Variants in DCPS observed in about 807,000 individuals in gnomAD.
The protein encoded by DCPS is m7GpppX diphosphatase.
In DCPS, 27 loss-of-function variants were observed where a neutral mutation model predicts 34.7. The ratio of observed to expected loss-of-function variants is 0.78; its 90% CI spans 0.57 to 1.07. The LOEUF (loss-of-function observed/expected upper bound fraction) is 1.07. Among genes scored for constraint, DCPS ranks in the 50% least tolerant of loss-of-function variants. The pLI, the probability that DCPS is intolerant of heterozygous loss-of-function variation, is 0.00. For synonymous variants in DCPS, 185 were observed against 185.7 expected, an observed-to-expected ratio of 1.00 and a Z score of 0.03; for missense variants, 464 against 436.9, an observed-to-expected ratio of 1.06 and a Z score of -0.55.
At position 126,345,296 on chromosome 11, in the gene DCPS, G is replaced by A. The variant is rs376908736; in HGVS notation, c.748-51G>A. 378 of 1,602,594 alleles carry A rather than the reference G, an allele frequency of 2.4e-4. No individual in the cohort carries two copies. The highest frequency in any genetic ancestry group is 1.1e-3 in the African/African-American group (80 of 74,832). ...AGGGTCTAGGTGGGGACATGGCGCC[G>A]GGCCTCAGGCAGCACGGTGACTCCT... is the stretch of plus-strand genomic sequence containing the variant. On this transcript the variant is annotated intron_variant, in intron 5 of 5. Transcript: ENST00000263579. The surrounding 1 kb of genome is among the most constrained non-coding windows in gnomAD (Gnocchi z 7.4).
rs1951955493 is a variant in DCPS at position 126,348,249 on chromosome 11, G to A, written c.*2636G>A. Among the ~76,000 whole-genome samples the A allele has an allele frequency of 6.6e-6, 1 of 152,156 alleles. No homozygotes were observed. Among genetic ancestry groups the A allele is most frequent in the African/African-American group, 2.4e-5 (1 of 41,420 alleles). On this transcript the variant is annotated 3_prime_UTR_variant, in exon 6 of 6. Coordinates refer to ENST00000263579, the MANE Select transcript of DCPS (RefSeq NM_014026.6). The surrounding 1 kb of genome is among the most constrained non-coding windows in gnomAD (Gnocchi z 5.3). Reference sequence around the variant, plus strand: ...GTTTCTCGACTCCCCCGAGGGGCTGGCCAGTTCTGTCTTCCTTCTGCCCAC... The same window carrying A: ...GTTTCTCGACTCCCCCGAGGGGCTGACCAGTTCTGTCTTCCTTCTGCCCAC...
chr11:126,325,563 G>T lies in DCPS; in HGVS notation c.377-5842G>T, dbSNP rs936142983. Among the ~76,000 whole-genome samples the T allele has an allele frequency of 6.6e-6, 1 of 152,218 alleles. No homozygotes were observed. Among genetic ancestry groups the T allele is most frequent in the African/African-American group, 2.4e-5 (1 of 41,454 alleles). Reference sequence around the variant, plus strand: ...CTGGAAGTATATAACCAAAGAGGTGGCCAGAAGTGTTGAAAGTGGTGCCTT... The same window carrying T: ...CTGGAAGTATATAACCAAAGAGGTGTCCAGAAGTGTTGAAAGTGGTGCCTT... On this transcript the variant is annotated intron_variant, in intron 2 of 5. Transcript: ENST00000263579. This position sits in a 1 kb window ranked among gnomAD's most constrained non-coding sequence, Gnocchi z 4.3.
In DCPS at chr11:126,345,904, C is replaced by T. The variant is rs11826686; in HGVS notation, c.*291C>T. On this transcript the variant is annotated 3_prime_UTR_variant, in exon 6 of 6. Coordinates refer to ENST00000263579, the MANE Select transcript of DCPS (RefSeq NM_014026.6). The surrounding 1 kb of genome is among the most constrained non-coding windows in gnomAD (Gnocchi z 7.4). Reference sequence around the variant, plus strand: ...GCCCTGGAAGGGTGCCGAGGGCCTTCTCCAAGCCCCAGGGCTCACCGTCCG... The same window carrying T: ...GCCCTGGAAGGGTGCCGAGGGCCTTTTCCAAGCCCCAGGGCTCACCGTCCG... Among the ~76,000 whole-genome samples the T allele has an allele frequency of 0.049, 7,492 of 152,072 alleles. 609 individuals carry two copies. Among genetic ancestry groups the T allele is most frequent in the African/African-American group, 0.17 (6,920 of 41,416 alleles).
intron 2 of DCPS, 132 bp downstream of exon 2, chr11:126,306,876 G>T: frequency 2.7e-6 from 3 of 1,103,644 alleles, no homozygotes; most frequent in Non-Finnish European, 3.7e-6. Context: ...TTCCCTAGGG[G>T]ACATTTGGCC....
intron 2 of DCPS, among the ~76,000 whole-genome samples, chr11:126,308,339 G>A (rs1026634233): frequency 1.3e-5 from 2 of 152,112 alleles, no homozygotes; most frequent in African/African-American, 2.4e-5. Context: ...ATTTAAGAGC[G>A]GTCTGGCTTT....
At position 126,304,150 on chromosome 11, in the gene DCPS, A is replaced by C. The variant is rs923559735; in HGVS notation, c.70A>C (p.Ser24Arg). The C allele has an allele frequency of 1.1e-5, 17 of 1,614,116 alleles. No individual in the cohort carries two copies. The Admixed American group carries it at 1.8e-4, about 17-fold the overall frequency. ...ELDVEEAHAA[S>R]TEEKEAGVGN... The stretch of plus-strand genomic sequence containing the variant: ...GGACGTGGAGGAGGCCCACGCCGCC[A>C]GCACAGAGGAAAAGGAGGCAGGAGT... The change falls in exon 1 of 6, where the codon AGC (serine) becomes CGC (arginine). Residue 24 changes from serine to arginine, a missense_variant. Physicochemically the swap from Ser to Arg is moderately radical, Grantham distance 110. Coordinates refer to ENST00000263579, the MANE Select transcript of DCPS (RefSeq NM_014026.6).
In DCPS at chr11:126,333,273, C is replaced by T. The variant is rs1951805957; in HGVS notation, c.522+1723C>T. Among the ~76,000 whole-genome samples the T allele has an allele frequency of 6.6e-6, 1 of 152,220 alleles. No homozygotes were observed. The highest frequency in any genetic ancestry group is 2.4e-5 in the African/African-American group (1 of 41,464). ...TTCCTTCTTGGCTATTTCTAGTTTA[C>T]AAGCACTCAGCTTAACTGGCAACAC... On this transcript the variant is annotated intron_variant, in intron 3 of 5. Coordinates refer to ENST00000263579, the MANE Select transcript of DCPS (RefSeq NM_014026.6). This position sits in a 1 kb window ranked among gnomAD's most constrained non-coding sequence, Gnocchi z 5.7.
In DCPS at chr11:126,348,844, T is replaced by C. The variant is rs1255473162; in HGVS notation, c.*3231T>C. On this transcript the variant is annotated 3_prime_UTR_variant, in exon 6 of 6. Coordinates refer to ENST00000263579, the MANE Select transcript of DCPS (RefSeq NM_014026.6). This position sits in a 1 kb window ranked among gnomAD's most constrained non-coding sequence, Gnocchi z 5.3. ...ACAAAGCAACATTATAACACTACAT[T>C]CATATAGCAGATCATTTCATGACCC... Among the ~76,000 whole-genome samples the C allele has an allele frequency of 6.6e-6, 1 of 152,188 alleles. No homozygotes were observed. The highest frequency in any genetic ancestry group is 1.5e-5 in the Non-Finnish European group (1 of 68,026).
rs1179425588 is a variant in DCPS at position 126,338,449 on chromosome 11, G to C, written c.636+50G>C. The C allele has an allele frequency of 1.3e-6, 2 of 1,540,942 alleles. No individual in the cohort carries two copies. The highest frequency in any genetic ancestry group is 4.5e-5 in the East Asian group (2 of 44,498). On this transcript the variant is annotated intron_variant, in intron 4 of 5. Transcript: ENST00000263579. The surrounding 1 kb of genome is among the most constrained non-coding windows in gnomAD (Gnocchi z 5.4). ...CTGATCTCTGGCCACCCTGCTGTAAGTGCTGGTCCTTCTGACTGCCCTCTT... is the reference window on the plus strand; with the variant it reads ...CTGATCTCTGGCCACCCTGCTGTAACTGCTGGTCCTTCTGACTGCCCTCTT...
chr11:126,305,515 G>A (rs1442600660), intron 1 of DCPS, among the ~76,000 whole-genome samples: 1 of 143,226 alleles, frequency 7.0e-6, no homozygotes, highest in Non-Finnish European at 1.5e-5. Flanking sequence ...CCACTTTCTG[G>A]ATTCAAGTGA....
rs140691663 is a variant in DCPS at position 126,344,340 on chromosome 11, G to T, written c.747+923G>T. Among the ~76,000 whole-genome samples, 591 of 152,274 alleles carry T rather than the reference G, an allele frequency of 3.9e-3. 3 individuals are homozygous for T. The highest frequency in any genetic ancestry group is 0.013 in the African/African-American group (553 of 41,550). On this transcript the variant is annotated intron_variant, in intron 5 of 5. Transcript: ENST00000263579. The surrounding 1 kb of genome is among the most constrained non-coding windows in gnomAD (Gnocchi z 8.1). ...TGCCTTTATCTTTGTGGGGTGACTT[G>T]TTCAGATCCTGAAGCAGTCTCTGGA... is the stretch of plus-strand genomic sequence containing the variant.
Position 126,304,104 on chromosome 11 carries a change from A to T in DCPS, c.24A>T (p.Leu8=), listed in dbSNP as rs773623495. Residue 8 remains leucine, a synonymous_variant, in exon 1 of 6, where the codon CTA becomes CTT. Transcript: ENST00000263579. ...GCATGGCGGACGCAGCTCCTCAACT[A>T]GGCAAGAGGAAGCGCGAATTGGACG... MADAAPQ[L]GKRKRELDVE... 64 of 1,611,670 alleles carry T rather than the reference A, an allele frequency of 4.0e-5. No homozygotes were observed. Among genetic ancestry groups the T allele is most frequent in the Non-Finnish European group, 5.4e-5 (64 of 1,178,930 alleles).
At position 126,347,080 on chromosome 11, in the gene DCPS, G is replaced by GAA. The variant is rs35599109; in HGVS notation, c.*1475_*1476dup. Among the ~76,000 whole-genome samples, 1 of 150,176 alleles carries GAA rather than the reference G, an allele frequency of 6.7e-6. No homozygotes were observed. The highest frequency in any genetic ancestry group is 1.5e-5 in the Non-Finnish European group (1 of 67,568). On this transcript the variant is annotated 3_prime_UTR_variant, in exon 6 of 6. Transcript: ENST00000263579. This position sits in a 1 kb window ranked among gnomAD's most constrained non-coding sequence, Gnocchi z 4.2. Reference sequence around the variant, plus strand: ...GGTGACAGAGCAAGACTCCCTCTCAGAAAAAAAAATTAAAAAAATAGAAAC... The same window carrying GAA: ...GGTGACAGAGCAAGACTCCCTCTCAGAAAAAAAAAAATTAAAAAAATAGAAAC...
intron 5 of DCPS, 88 bp downstream of exon 5, chr11:126,343,505 C>A: frequency 9.1e-7 from 1 of 1,094,628 alleles, no homozygotes; most frequent in Non-Finnish European, 1.3e-6. Context: ...TCACCTTTCC[C>A]AGAGTCCATC....
chr11:126,339,830 A>AC (rs1362410833), intron 4 of DCPS, among the ~76,000 whole-genome samples: 1 of 151,870 alleles, frequency 6.6e-6, no homozygotes, highest in Non-Finnish European at 1.5e-5. Flanking sequence ...GGCTCTGCAA[A>AC]CCCCCATCTG....
At position 126,322,670 on chromosome 11, in the gene DCPS, G is replaced by A. The variant is rs1951716702; in HGVS notation, c.377-8735G>A. Among the ~76,000 whole-genome samples, 2 of 150,804 alleles carry A rather than the reference G, an allele frequency of 1.3e-5. No individual in the cohort carries two copies. Among genetic ancestry groups the A allele is most frequent in the South Asian group, 4.2e-4 (2 of 4,800 alleles). ...TGCAGTGGCACAATCTCGGCTCACTGCAACCTCCGCCTCCGAGGTTCAAGT... is the reference window on the plus strand; with the variant it reads ...TGCAGTGGCACAATCTCGGCTCACTACAACCTCCGCCTCCGAGGTTCAAGT... On this transcript the variant is annotated intron_variant, in intron 2 of 5. Coordinates refer to ENST00000263579, the MANE Select transcript of DCPS (RefSeq NM_014026.6). This position sits in a 1 kb window ranked among gnomAD's most constrained non-coding sequence, Gnocchi z 4.2.
chr11:126,326,650 G>A (rs1033304445), intron 2 of DCPS, among the ~76,000 whole-genome samples: 1 of 152,162 alleles, frequency 6.6e-6, no homozygotes. Flanking sequence ...ACGGCCGGGC[G>A]CAGTGGCTCA....
intron 2 of DCPS, among the ~76,000 whole-genome samples, chr11:126,318,632 A>G (rs1438226902): frequency 1.3e-5 from 2 of 152,202 alleles, no homozygotes; most frequent in Non-Finnish European, 2.9e-5. Context: ...TGGAGAGGAC[A>G]TGGCGGGTGG....
Position 126,346,859 on chromosome 11 carries a change from C to A in DCPS, c.*1246C>A, listed in dbSNP as rs1951935013. On this transcript the variant is annotated 3_prime_UTR_variant, in exon 6 of 6. Transcript: ENST00000263579. The surrounding 1 kb of genome is among the most constrained non-coding windows in gnomAD (Gnocchi z 4.1). The stretch of plus-strand genomic sequence containing the variant: ...CAGGGTCTCAGGGCCTGCTGTGGAC[C>A]CCCATGGTCCTGGGAGAGACTCCTT... 6.6e-6 allele frequency among the ~76,000 whole-genome samples: 1 copy of A among 152,090 alleles called. No homozygotes were observed. The highest frequency in any genetic ancestry group is 2.4e-5 in the African/African-American group (1 of 41,404).
Sources: allele counts gnomAD v4.1 joint callset (sites outside exome capture counted in the v4.1 genomes callset), GRCh38; gene constraint gnomAD v4.1.1; non-coding constraint Gnocchi (gnomAD v3.1); transcripts MANE v1.5; gene names NCBI Gene and HGNC (gene_info 2026-07-23, HGNC 2026-07-21).